Variants in CENPP observed in about 807,000 individuals in gnomAD.
CENPP encodes the protein centromere protein P.
CENPP carries 24 observed loss-of-function variants against 35.6 expected under a neutral mutation model. The ratio of observed to expected loss-of-function variants is 0.67; its 90% CI spans 0.49 to 0.95. The LOEUF (loss-of-function observed/expected upper bound fraction) is 0.95, where lower values mean the gene tolerates loss of function less well. Among genes scored for constraint, CENPP ranks in the 40% least tolerant of loss-of-function variants. CENPP has a pLI of 0.00. For missense variants in CENPP, 332 were observed against 345.3 expected, an observed-to-expected ratio of 0.96 and a Z score of 0.31; for synonymous variants, 120 against 125.5, an observed-to-expected ratio of 0.96 and a Z score of 0.29.
intron 5 of CENPP, among the ~76,000 whole-genome samples, chr9:92,417,826 A>G (rs10992329): frequency 0.057 from 8,633 of 152,084 alleles, 360 homozygotes; most frequent in Middle Eastern, 0.22. Context: ...TCCCAGGTTC[A>G]AGCAATTCTC....
At chr9:92,506,017 A>G (rs543312373) in intron 5 of CENPP, among the ~76,000 whole-genome samples, 3 of 152,320 alleles carry the variant, frequency 2.0e-5, no homozygotes, top group East Asian at 1.9e-4. Flanking sequence ...AGGAGTTTCC[A>G]TAGAAATTGT....
At chr9:92,420,993 G>C (rs1489954278) in intron 5 of CENPP, among the ~76,000 whole-genome samples, 1 of 152,118 alleles carries the variant, frequency 6.6e-6, no homozygotes, top group Non-Finnish European at 1.5e-5. Flanking sequence ...AATGTGGTTG[G>C]TTAACTCTTG....
rs1851455328 is a variant in CENPP at position 92,616,841 on chromosome 9, G to C, written c.*3692G>C. The C allele has an allele frequency of 6.6e-6, 1 of 152,198 alleles. No individual in the cohort carries two copies. Among genetic ancestry groups the C allele is most frequent in the Non-Finnish European group, 1.5e-5 (1 of 68,062 alleles). 9.4% of individuals were successfully genotyped at this position (152,198 alleles called of 1,614,324 possible). A position where few individuals can be genotyped will look rare whatever the true frequency, so the allele number is the denominator to read the frequency against. Reference sequence around the variant, plus strand: ...CACTCAAGACACTGGCTAAACAAGTGACCTAAGCTCAGTTCAGTCCAAGAG... The same window carrying C: ...CACTCAAGACACTGGCTAAACAAGTCACCTAAGCTCAGTTCAGTCCAAGAG... On this transcript the variant is annotated 3_prime_UTR_variant, in exon 8 of 8. Coordinates refer to ENST00000375587, the MANE Select transcript of CENPP (RefSeq NM_001012267.3).
chr9:92,526,640 G>A (rs186857912), intron 5 of CENPP, among the ~76,000 whole-genome samples: 5 of 150,750 alleles, frequency 3.3e-5, no homozygotes, highest in Admixed American at 2.6e-4. Context: ...TTTCTGAAAC[G>A]ATTAAAAAAA....
intron 5 of CENPP, among the ~76,000 whole-genome samples, chr9:92,605,159 TTAG>T (rs1851040921): frequency 1.3e-5 from 2 of 152,060 alleles, no homozygotes; most frequent in Admixed American, 1.3e-4. Flanking sequence ...TTTTATATTT[TTAG>T]TAGAGAAGGG....
chr9:92,373,623 C>G (rs1411297569), intron 4 of CENPP, among the ~76,000 whole-genome samples: 1 of 152,056 alleles, frequency 6.6e-6, no homozygotes, highest in African/African-American at 2.4e-5. Flanking sequence ...GTCAAGAGAT[C>G]AAGACCATCC....
At chr9:92,407,917 G>A (rs920249489) in intron 5 of CENPP, among the ~76,000 whole-genome samples, 2 of 152,152 alleles carry the variant, frequency 1.3e-5, no homozygotes, top group Non-Finnish European at 2.9e-5. Flanking sequence ...TGCCTTATAG[G>A]GGTTTTATTT....
chr9:92,560,333 A>T (rs951011131), intron 5 of CENPP, among the ~76,000 whole-genome samples: 1 of 152,224 alleles, frequency 6.6e-6, no homozygotes, highest in Non-Finnish European at 1.5e-5. Flanking sequence ...AAAGGATGAG[A>T]AACTTAGTCA....
At chr9:92,365,564 C>T (rs1841867317) in intron 4 of CENPP, among the ~76,000 whole-genome samples, 1 of 151,796 alleles carries the variant, frequency 6.6e-6, no homozygotes, top group Non-Finnish European at 1.5e-5. Context: ...GCATCCACCA[C>T]CACGCCCTGC....
chr9:92,531,141 T>A (rs954502940), intron 5 of CENPP, among the ~76,000 whole-genome samples: 3 of 152,190 alleles, frequency 2.0e-5, no homozygotes, highest in African/African-American at 7.2e-5. Flanking sequence ...ATTTAATGTT[T>A]GAATTGAAAT....
intron 5 of CENPP, among the ~76,000 whole-genome samples, chr9:92,412,234 G>A (rs1393471764): frequency 6.6e-6 from 1 of 151,950 alleles, no homozygotes; most frequent in African/African-American, 2.4e-5. Context: ...CTGCAGGCAT[G>A]CACCACCATG....
At chr9:92,597,940 TTTGC>T (rs1481468293) in intron 5 of CENPP, among the ~76,000 whole-genome samples, 16 of 152,248 alleles carry the variant, frequency 1.1e-4, no homozygotes, top group Admixed American at 7.9e-4. Context: ...AATTACTGAC[TTTGC>T]TTGAGTAATT....
At chr9:92,493,593 T>A (rs1846230979) in intron 5 of CENPP, 1 of 152,656 alleles carries the variant, frequency 6.6e-6, no homozygotes, top group Admixed American at 6.5e-5. Flanking sequence ...TGTATATGTG[T>A]GTTAGTAATT....
At chr9:92,500,125 A>G (rs1564356042) in intron 5 of CENPP, among the ~76,000 whole-genome samples, 2 of 152,202 alleles carry the variant, frequency 1.3e-5, no homozygotes, top group Non-Finnish European at 2.9e-5. Context: ...AACATAATCT[A>G]TTGCTTTGAA....
At chr9:92,326,659 G>C (rs971435849) in intron 1 of CENPP, among the ~76,000 whole-genome samples, 2 of 152,188 alleles carry the variant, frequency 1.3e-5, no homozygotes, top group Non-Finnish European at 2.9e-5. Context: ...GAGAAGTTAG[G>C]TAGCTTGTCC....
chr9:92,481,691 G>A (rs1447566397), intron 5 of CENPP, among the ~76,000 whole-genome samples: 1 of 152,194 alleles, frequency 6.6e-6, no homozygotes, highest in Non-Finnish European at 1.5e-5. Context: ...TATAGTGCTA[G>A]CTAAACTATT....
At chr9:92,514,856 C>T in intron 5 of CENPP, 2 of 1,612,784 alleles carry the variant, frequency 1.2e-6, no homozygotes, top group Non-Finnish European at 8.5e-7. Flanking sequence ...TCACCCTCCT[C>T]CTCCTCATCC....
Position 92,612,490 on chromosome 9 carries a change from A to C in CENPP, c.645-33A>C, listed in dbSNP as rs146536420. 826 of 1,540,132 alleles carry C rather than the reference A, an allele frequency of 5.4e-4. 4 individuals are homozygous for C. The African/African-American group carries it at 0.01, about 19-fold the overall frequency. On this transcript the variant is annotated intron_variant, in intron 6 of 7. Transcript: ENST00000375587. ...CTAATCTTTTCGCCAGATTTCAAAA[A>C]GCACATAACGACATGTTTTACTGCT...
intron 5 of CENPP, among the ~76,000 whole-genome samples, chr9:92,394,216 A>G (rs1842799172): frequency 6.6e-6 from 1 of 151,860 alleles, no homozygotes; most frequent in Non-Finnish European, 1.5e-5. Context: ...AACTTGTTTT[A>G]TATATTTTGA....
Sources: allele counts gnomAD v4.1 joint callset (sites outside exome capture counted in the v4.1 genomes callset), GRCh38; gene constraint gnomAD v4.1.1; transcripts MANE v1.5; gene names NCBI Gene and HGNC (gene_info 2026-07-23, HGNC 2026-07-21).